The following KCNT2 variants were observed in gnomAD, a reference collection of about 807,000 sequenced individuals.
KCNT2 encodes potassium channel subfamily T member 2.
Under a neutral mutation model 153.8 loss-of-function variants are expected in KCNT2, and 67 were observed. The ratio of observed to expected loss-of-function variants is 0.44; its 90% CI spans 0.36 to 0.53. KCNT2 has a LOEUF of 0.53. Ranked by LOEUF, KCNT2 falls within the 20% of genes least tolerant of loss-of-function variation. The pLI is 0.00. For synonymous variants in KCNT2, 500 were observed against 458.8 expected, an observed-to-expected ratio of 1.09 and a Z score of -1.15; for missense variants, 975 against 1,354.8, an observed-to-expected ratio of 0.72 and a Z score of 4.40.
intron 6 of KCNT2, 62 bp from the exon 7 acceptor site, chr1:196,467,848 T>A: frequency 1.1e-6 from 1 of 894,390 alleles, no homozygotes; most frequent in Non-Finnish European, 1.7e-6. Context: ...ATACCCAGTA[T>A]ACTAAAAAGA....
At chr1:196,383,268 C>T (rs752136285) in intron 13 of KCNT2, among the ~76,000 whole-genome samples, 1 of 152,080 alleles carries the variant, frequency 6.6e-6, no homozygotes, top group Admixed American at 6.5e-5. Context: ...CAGCTCATGC[C>T]ATATGTGATT....
At chr1:196,587,825 A>G (rs1180737861) in intron 1 of KCNT2, among the ~76,000 whole-genome samples, 2 of 152,086 alleles carry the variant, frequency 1.3e-5, no homozygotes, top group Non-Finnish European at 2.9e-5. Flanking sequence ...AACATGATGA[A>G]AAGTAAAATA....
At chr1:196,274,029 T>C (rs1018835453) in intron 25 of KCNT2, among the ~76,000 whole-genome samples, 1 of 151,658 alleles carries the variant, frequency 6.6e-6, no homozygotes, top group Non-Finnish European at 1.5e-5. Context: ...TCATTATTGG[T>C]GTTAATATTT....
intron 12 of KCNT2, among the ~76,000 whole-genome samples, chr1:196,410,019 C>T (rs1339822114): frequency 6.6e-6 from 1 of 151,528 alleles, no homozygotes; most frequent in Non-Finnish European, 1.5e-5. Context: ...CTGCTGTTTT[C>T]GATTTGCATT....
At chr1:196,297,124 CTCTT>C (rs1362893149) in intron 22 of KCNT2, among the ~76,000 whole-genome samples, 1 of 151,544 alleles carries the variant, frequency 6.6e-6, no homozygotes, top group Admixed American at 6.6e-5. Context: ...CTCTTTCTCT[CTCTT>C]TCTGTAGATG....
At chr1:196,480,258 C>T (rs139422951) in intron 4 of KCNT2, among the ~76,000 whole-genome samples, 108 of 152,154 alleles carry the variant, frequency 7.1e-4, no homozygotes, top group African/African-American at 2.6e-3. Context: ...TAAGACTATT[C>T]GAATGAGAAC....
At chr1:196,468,596 C>G (rs1677813003) in intron 6 of KCNT2, among the ~76,000 whole-genome samples, 1 of 151,934 alleles carries the variant, frequency 6.6e-6, no homozygotes, top group South Asian at 2.1e-4. Context: ...CTTAATAAAT[C>G]TTGTGGTTAA....
chr1:196,489,944 A>T lies in KCNT2; in HGVS notation c.176-7T>A. The T allele has an allele frequency of 7.3e-7, 1 of 1,363,762 alleles. No individual in the cohort carries two copies. The highest frequency in any genetic ancestry group is 1.0e-6 in the Non-Finnish European group (1 of 998,308). The allele number at this position is 1,363,762 out of a possible 1,614,324, so 84.5% of individuals were successfully genotyped here. On this transcript the variant is annotated splice_region_variant and splice_polypyrimidine_tract_variant and intron_variant, in intron 2 of 27. Transcript: ENST00000294725. ...AACAGGCGTATCCTTAGACCTTTAA[A>T]CAAATGATAAAAGTTTGATTTTCAT...
intron 2 of KCNT2, among the ~76,000 whole-genome samples, chr1:196,491,855 T>C (rs1218609764): frequency 6.6e-6 from 1 of 152,064 alleles, no homozygotes; most frequent in Non-Finnish European, 1.5e-5. Flanking sequence ...TTAGGAAATA[T>C]TAAACGTTCC....
chr1:196,384,775 T>A (rs1359062415), intron 13 of KCNT2, among the ~76,000 whole-genome samples: 2 of 151,158 alleles, frequency 1.3e-5, no homozygotes, highest in Non-Finnish European at 2.9e-5. Flanking sequence ...CAAAATTATT[T>A]AAAAAAATAA....
At chr1:196,419,626 C>T (rs1673037256) in intron 12 of KCNT2, among the ~76,000 whole-genome samples, 1 of 151,654 alleles carries the variant, frequency 6.6e-6, no homozygotes, top group African/African-American at 2.4e-5. Context: ...TGGGTTGGTT[C>T]TACTTTCTTA....
intron 14 of KCNT2, among the ~76,000 whole-genome samples, chr1:196,345,499 G>A (rs902108940): frequency 1.3e-5 from 2 of 152,022 alleles, no homozygotes; most frequent in Non-Finnish European, 1.5e-5. Context: ...CTGGGAGGAG[G>A]GATCATGTAG....
chr1:196,333,750 A>G (rs1459055908), intron 17 of KCNT2, 97 bp downstream of exon 17: 1 of 718,542 alleles, frequency 1.4e-6, no homozygotes, highest in Non-Finnish European at 2.4e-6. Context: ...AGGAAAGATC[A>G]TTAGCTCCTT....
intron 14 of KCNT2, among the ~76,000 whole-genome samples, chr1:196,353,090 C>G (rs186694958): frequency 2.6e-5 from 4 of 152,054 alleles, no homozygotes; most frequent in Admixed American, 2.0e-4. Flanking sequence ...CTTCAGGAAA[C>G]TCACGCGCAA....
intron 13 of KCNT2, among the ~76,000 whole-genome samples, chr1:196,394,985 G>T (rs540651251): frequency 6.8e-6 from 1 of 147,524 alleles, no homozygotes. Context: ...CTTTCCAATA[G>T]ATTTTTTTTT....
chr1:196,397,736 T>G, intron 13 of KCNT2, among the ~76,000 whole-genome samples: 2 of 151,672 alleles, frequency 1.3e-5, no homozygotes, highest in East Asian at 3.9e-4. Context: ...TTCAAAATCA[T>G]ACACTAACAG....
At chr1:196,471,813 AT>A (rs1207229813) in intron 5 of KCNT2, among the ~76,000 whole-genome samples, 1 of 151,946 alleles carries the variant, frequency 6.6e-6, no homozygotes, top group South Asian at 2.1e-4. Context: ...TTTGTTTCCG[AT>A]TTTTCTTCCA....
intron 1 of KCNT2, among the ~76,000 whole-genome samples, chr1:196,580,763 T>C (rs1180256980): frequency 6.6e-6 from 1 of 152,092 alleles, no homozygotes; most frequent in Admixed American, 6.6e-5. Context: ...AGGAAGTCAA[T>C]GAATACTCCC....
intron 12 of KCNT2, among the ~76,000 whole-genome samples, chr1:196,402,903 T>G (rs775120597): frequency 3.3e-5 from 5 of 151,636 alleles, no homozygotes; most frequent in Non-Finnish European, 5.9e-5. Context: ...AAATCTAAAG[T>G]GCTGAAAACA....
Sources: allele counts gnomAD v4.1 joint callset (sites outside exome capture counted in the v4.1 genomes callset), GRCh38; gene constraint gnomAD v4.1.1; transcripts MANE v1.5; gene names NCBI Gene and HGNC (gene_info 2026-07-23, HGNC 2026-07-21).